The following ACAP3 variants were observed in gnomAD, a reference collection of about 807,000 sequenced individuals.
The protein encoded by ACAP3 is ArfGAP with coiled-coil, ankyrin repeat and PH domains 3.
ACAP3 carries 56 observed loss-of-function variants against 104.1 expected under a neutral mutation model. The ratio of observed to expected loss-of-function variants is 0.54; its 90% CI spans 0.43 to 0.67. The LOEUF (loss-of-function observed/expected upper bound fraction) is 0.67, where lower values mean the gene tolerates loss of function less well. Among genes scored for constraint, ACAP3 ranks in the 30% least tolerant of loss-of-function variants. The pLI, the probability that ACAP3 is intolerant of heterozygous loss-of-function variation, is 0.00. For synonymous variants in ACAP3, 628 were observed against 496.2 expected (o/e 1.27, Z -3.53); for missense variants, 1,208 against 1,174.9 (o/e 1.03, Z -0.41).
chr1:1,293,733 G>GCCCCTGCCCTGGAGGCCCCA (rs1315965997), intron 23 of ACAP3, 25 bp from the exon 24 acceptor site: 1 of 1,439,214 alleles, frequency 6.9e-7, no homozygotes, highest in Non-Finnish European at 9.0e-7. Context: ...AGCGTGAGAC[G>GCCCCTGCCCTGGAGGCCCCA]CCCCTGCCCT....
rs901360488 is a variant in ACAP3 at position 1,292,670 on chromosome 1, T to C, written c.*894A>G. 1 of 152,168 alleles carries C rather than the reference T, an allele frequency of 6.6e-6. No individual in the cohort carries two copies. The highest frequency in any genetic ancestry group is 1.5e-5 in the Non-Finnish European group (1 of 68,076). 9.4% of individuals were successfully genotyped at this position (152,168 alleles called of 1,614,324 possible). A position where few individuals can be genotyped will look rare whatever the true frequency, so the allele number is the denominator to read the frequency against. On this transcript the variant is annotated 3_prime_UTR_variant, in exon 24 of 24. Coordinates refer to ENST00000354700, the MANE Select transcript of ACAP3 (RefSeq NM_030649.3). ...GGCCCTGCCTCCCTGCCGGGCACCT[T>C]TGGGGAAGGGGTGCGTGAAGGCATT... is the stretch of plus-strand genomic sequence containing the variant.
In ACAP3 at chr1:1,303,159, C is replaced by T; in HGVS notation, c.225+3G>A. 6.3e-7 allele frequency: 1 copy of T among 1,595,872 alleles called. No homozygotes were observed. Among genetic ancestry groups the T allele is most frequent in the South Asian group, 1.1e-5 (1 of 88,236 alleles). ...TGAGGTCAGAGGTCAGTCGGCCCCTCACCGAGATGACGGTGTCGCCCTGGC... is the reference window on the plus strand; with the variant it reads ...TGAGGTCAGAGGTCAGTCGGCCCCTTACCGAGATGACGGTGTCGCCCTGGC... On this transcript the variant is annotated splice_donor_region_variant and intron_variant, in intron 3 of 23. Coordinates refer to ENST00000354700, the MANE Select transcript of ACAP3 (RefSeq NM_030649.3). This position sits in a 1 kb window ranked among gnomAD's most constrained non-coding sequence, Gnocchi z 4.0.
At chr1:1,295,366 G>A (rs1641079671) in intron 19 of ACAP3, 81 bp downstream of exon 19, 2 of 1,340,328 alleles carry the variant, frequency 1.5e-6, no homozygotes, top group Non-Finnish European at 2.1e-6. Flanking sequence ...TCCCTGGCAA[G>A]GGCCATCCAC....
intron 2 of ACAP3, 23 bp downstream of exon 2, chr1:1,304,063 G>A (rs1484375393): frequency 2.6e-6 from 4 of 1,550,378 alleles, no homozygotes; most frequent in Non-Finnish European, 3.5e-6. Context: ...CCGGGCACAG[G>A]GCGCTCCAGG....
intron 14 of ACAP3, among the ~76,000 whole-genome samples, chr1:1,296,949 G>A (rs1456640381): frequency 1.3e-5 from 2 of 152,228 alleles, no homozygotes; most frequent in East Asian, 3.8e-4. Flanking sequence ...GTGTATACGT[G>A]CACACCCTCA....
intron 1 of ACAP3, chr1:1,307,515 C>T: frequency 8.4e-7 from 1 of 1,188,066 alleles, no homozygotes; most frequent in Non-Finnish European, 1.1e-6. Flanking sequence ...CGGGGGCGGA[C>T]GGTCCCGAGG....
chr1:1,303,356 G>A lies in ACAP3; in HGVS notation c.106-75C>T. 5 of 1,524,746 alleles carry A rather than the reference G, an allele frequency of 3.3e-6. No individual in the cohort carries two copies. The highest frequency in any genetic ancestry group is 2.4e-5 in the South Asian group (2 of 82,480). The allele number at this position is 1,524,746 out of a possible 1,614,324, so 94.5% of individuals were successfully genotyped here. Reference sequence around the variant, plus strand: ...TCGCCACCACACACGGCCACTCAGAGGCAGGAAGAGCTCCCAGGGTAGGTT... The same window carrying A: ...TCGCCACCACACACGGCCACTCAGAAGCAGGAAGAGCTCCCAGGGTAGGTT... On this transcript the variant is annotated intron_variant, in intron 2 of 23. Transcript: ENST00000354700. The surrounding 1 kb of genome is among the most constrained non-coding windows in gnomAD (Gnocchi z 4.0).
Position 1,294,576 on chromosome 1 carries a change from G to A in ACAP3, c.1965C>T (p.Ala655=), listed in dbSNP as rs907571116. The A allele has an allele frequency of 2.0e-6, 3 of 1,510,300 alleles. No homozygotes were observed. The highest frequency in any genetic ancestry group is 2.3e-5 in the Admixed American group (1 of 43,242). 93.6% of individuals were successfully genotyped at this position (1,510,300 alleles called of 1,614,324 possible). A position where few individuals can be genotyped will look rare whatever the true frequency, so the allele number is the denominator to read the frequency against. The change falls in exon 21 of 24, where the codon GCC becomes GCT. Residue 655 remains alanine, a synonymous_variant. Coordinates refer to ENST00000354700, the MANE Select transcript of ACAP3 (RefSeq NM_030649.3). ...GCACGTCCGCCAGGCCCCAGGCCTC[G>A]GCCTCAGTGTCCCCGTCTGCCTCAC... is the stretch of plus-strand genomic sequence containing the variant. ...SSGEADGDTE[A]EAWGLADVRE...
rs769400137 is a variant in ACAP3 at position 1,299,949 on chromosome 1, G to A, written c.663+24C>T. 1.5e-5 allele frequency: 24 copies of A among 1,602,730 alleles called. No homozygotes were observed. The South Asian group carries it at 2.1e-4, about 14-fold the overall frequency. The stretch of plus-strand genomic sequence containing the variant: ...GGGAAGGTCACGGAGGCCTGGCCCA[G>A]CCCCACCCCTCCCAAAGGCTCACCT... On this transcript the variant is annotated intron_variant, in intron 8 of 23. Transcript: ENST00000354700.
At chr1:1,299,287 C>T (rs1641340347) in intron 10 of ACAP3, 58 bp downstream of exon 10, 2 of 1,572,286 alleles carry the variant, frequency 1.3e-6, no homozygotes, top group Non-Finnish European at 1.7e-6. Flanking sequence ...GAGGGAAAGG[C>T]ACCGCCCCAT....
chr1:1,300,773 GTGTTTTT>G, intron 5 of ACAP3, 81 bp from the exon 6 acceptor site: 1 of 1,484,470 alleles, frequency 6.7e-7, no homozygotes, highest in Non-Finnish European at 9.1e-7. Flanking sequence ...CGTTGTTTGT[GTGTTTTT>G]TGTTTTTTGA....
chr1:1,293,553 C>T lies in ACAP3; in HGVS notation c.*11G>A, dbSNP rs752306313. On this transcript the variant is annotated 3_prime_UTR_variant, in exon 24 of 24. Coordinates refer to ENST00000354700, the MANE Select transcript of ACAP3 (RefSeq NM_030649.3). ...GCCGGGCGGGGTGGCAGCTGCCCGG[C>T]CTGCCCGGCCCTAGCTCTCTTCCAG... 2.1e-6 allele frequency: 3 copies of T among 1,462,516 alleles called. 1 individual carries two copies. In the South Asian group the frequency reaches 3.8e-5, roughly 19 times the overall value. 90.6% of individuals were successfully genotyped at this position (1,462,516 alleles called of 1,614,324 possible).
chr1:1,306,080 G>T (rs1164674272), intron 1 of ACAP3, among the ~76,000 whole-genome samples: 1 of 152,180 alleles, frequency 6.6e-6, no homozygotes, highest in African/African-American at 2.4e-5. Flanking sequence ...AACCCACTGG[G>T]CCAGGCCATT....
At chr1:1,298,306 T>C in intron 12 of ACAP3, 64 bp downstream of exon 12, 1 of 1,601,844 alleles carries the variant, frequency 6.2e-7, no homozygotes, top group Non-Finnish European at 8.5e-7. Context: ...AACTGACCAG[T>C]CTGCCCTGTG....
intron 8 of ACAP3, 34 bp from the exon 9 acceptor site, chr1:1,299,939 G>C: frequency 6.3e-7 from 1 of 1,598,702 alleles, no homozygotes; most frequent in South Asian, 1.1e-5. Context: ...GGTCACGGAG[G>C]CCTGGCCCAG....
chr1:1,303,175 T>G lies in ACAP3; in HGVS notation c.212A>C (p.Asp71Ala). 1 of 1,603,234 alleles carries G rather than the reference T, an allele frequency of 6.2e-7. No individual in the cohort carries two copies. The highest frequency in any genetic ancestry group is 8.5e-7 in the Non-Finnish European group (1 of 1,176,052). ...VRDLSQQCQG[D>A]TVISECLQRF... ...TCGGCCCCTCACCGAGATGACGGTG[T>G]CGCCCTGGCACTGCTGGGACAGGTC... The change falls in exon 3 of 24, where the codon GAC (aspartate) becomes GCC (alanine). Residue 71 changes from aspartate to alanine, a missense_variant. Asp to Ala is a moderately radical substitution (Grantham distance 126, BLOSUM62 -2). Transcript: ENST00000354700. This position sits in a 1 kb window ranked among gnomAD's most constrained non-coding sequence, Gnocchi z 4.0.
intron 4 of ACAP3, 131 bp from the exon 5 acceptor site, chr1:1,302,177 T>G (rs955231904): frequency 7.0e-5 from 54 of 773,038 alleles, no homozygotes; most frequent in Non-Finnish European, 6.7e-5. Context: ...CCTGCAGGGC[T>G]GGCCTCAAGG....
At position 1,298,637 on chromosome 1, in the gene ACAP3, C is replaced by T. The variant is rs367705468; in HGVS notation, c.793G>A (p.Ala265Thr). The change falls in exon 11 of 24, where the codon GCG becomes ACG. Residue 265 changes from alanine (A) to threonine (T), a missense_variant. Transcript: ENST00000354700. ...CCCTCCATCACCACCCCACTGGGCG[C>T]GTCCACGTCAAACTCCACTTTGGAC... is the stretch of plus-strand genomic sequence containing the variant. The part of the protein sequence containing the change: ...DESKVEFDVD[A>T]PSGVVMEGYL... The T allele has an allele frequency of 3.7e-6, 6 of 1,612,430 alleles. No individual in the cohort carries two copies. The highest frequency in any genetic ancestry group is 3.3e-5 in the South Asian group (3 of 91,066).
chr1:1,303,890 G>T lies in ACAP3; in HGVS notation c.105+196C>A. Reference sequence around the variant, plus strand: ...CCTCCCAGATGGGACGAGACTCAGGGCCAGCCACATGTGTGCATGTGACAT... The same window carrying T: ...CCTCCCAGATGGGACGAGACTCAGGTCCAGCCACATGTGTGCATGTGACAT... On this transcript the variant is annotated intron_variant, in intron 2 of 23. Transcript: ENST00000354700. This position sits in a 1 kb window ranked among gnomAD's most constrained non-coding sequence, Gnocchi z 4.0. 1 of 689,380 alleles carries T rather than the reference G, an allele frequency of 1.5e-6. No homozygotes were observed. Among genetic ancestry groups the T allele is most frequent in the South Asian group, 1.8e-5 (1 of 54,414 alleles). The allele number at this position is 689,380 out of a possible 1,614,324, so 42.7% of individuals were successfully genotyped here.
Sources: allele counts gnomAD v4.1 joint callset (sites outside exome capture counted in the v4.1 genomes callset), GRCh38; gene constraint gnomAD v4.1.1; non-coding constraint Gnocchi (gnomAD v3.1); transcripts MANE v1.5; gene names NCBI Gene and HGNC (gene_info 2026-07-23, HGNC 2026-07-21).